LARP4B: variants seen among roughly 807,000 people sequenced by gnomAD.
LARP4B encodes the protein la-related protein 4B.
Under a neutral mutation model 89.8 loss-of-function variants are expected in LARP4B, and 12 were observed. The ratio of observed to expected loss-of-function variants is 0.13; its 90% CI spans 0.09 to 0.22. The LOEUF (loss-of-function observed/expected upper bound fraction) is 0.22. Ranked by LOEUF, LARP4B falls within the 10% of genes least tolerant of loss-of-function variation. The pLI is 1.00. For missense variants in LARP4B, 757 were observed against 947.7 expected (o/e 0.80, Z 2.64); for synonymous variants, 367 against 363.3 (o/e 1.01, Z -0.12).
intron 6 of LARP4B, among the ~76,000 whole-genome samples, chr10:843,280 A>G (rs527994234): frequency 3.9e-5 from 6 of 152,386 alleles, no homozygotes; most frequent in Admixed American, 3.9e-4. Flanking sequence ...GTGCAAAAGT[A>G]AAAGTATACT....
At chr10:851,262 C>T (rs1001720117) in intron 5 of LARP4B, among the ~76,000 whole-genome samples, 1 of 150,010 alleles carries the variant, frequency 6.7e-6, no homozygotes, top group African/African-American at 2.5e-5. Context: ...TGGCTCACTG[C>T]AACCTACGTT....
intron 1 of LARP4B, among the ~76,000 whole-genome samples, chr10:890,689 A>C (rs980762733): frequency 6.6e-6 from 1 of 152,068 alleles, no homozygotes; most frequent in South Asian, 2.1e-4. Context: ...GTGATTTTGC[A>C]ATTTTGTAGT....
chr10:980,839 TCTGCAGC>T, the LARP4B span, among the ~76,000 whole-genome samples: 1 of 152,270 alleles, frequency 6.6e-6, no homozygotes, highest in African/African-American at 2.4e-5. Context: ...AAGTGGTCAT[TCTGCAGC>T]CTGCTTTAGT....
chr10:879,735 G>A (rs2131910492), intron 3 of LARP4B, among the ~76,000 whole-genome samples: 1 of 152,156 alleles, frequency 6.6e-6, no homozygotes, highest in Admixed American at 6.5e-5. Context: ...CCAAAGTGCT[G>A]GGATTTATAG....
chr10:861,526 C>G (rs963083478), intron 5 of LARP4B, among the ~76,000 whole-genome samples: 1 of 152,032 alleles, frequency 6.6e-6, no homozygotes, highest in Non-Finnish European at 1.5e-5. Context: ...TTTAAATACC[C>G]CTTTTAAAAA....
chr10:878,855 A>G (rs567434194), intron 3 of LARP4B, among the ~76,000 whole-genome samples: 1 of 152,342 alleles, frequency 6.6e-6, no homozygotes, highest in South Asian at 2.1e-4. Context: ...CTAAAATGAA[A>G]AAGAGTTTGC....
intron 15 of LARP4B, among the ~76,000 whole-genome samples, chr10:816,957 T>G (rs748930088): frequency 2.0e-5 from 3 of 152,166 alleles, no homozygotes; most frequent in African/African-American, 7.2e-5. Context: ...CACGGTCATG[T>G]GGCGTGGAAC....
intron 3 of LARP4B, among the ~76,000 whole-genome samples, chr10:878,789 G>T (rs1835559722): frequency 1.3e-5 from 2 of 152,078 alleles, no homozygotes; most frequent in African/African-American, 2.4e-5. Context: ...GCCACACAAA[G>T]TTGATTTATA....
At chr10:969,207 T>A in the LARP4B span, among the ~76,000 whole-genome samples, 3 of 152,086 alleles carry the variant, frequency 2.0e-5, no homozygotes, top group Admixed American at 6.5e-5. Flanking sequence ...GGGGAAAAAA[T>A]GGTTCCTTTT....
intron 3 of LARP4B, among the ~76,000 whole-genome samples, chr10:866,812 A>C (rs973008339): frequency 1.1e-4 from 17 of 152,304 alleles, no homozygotes; most frequent in East Asian, 1.9e-4. Flanking sequence ...ATAGTACCAA[A>C]ATACATTTTG....
intron 7 of LARP4B, among the ~76,000 whole-genome samples, chr10:839,551 A>C (rs1246091123): frequency 6.6e-6 from 1 of 152,272 alleles, no homozygotes; most frequent in Non-Finnish European, 1.5e-5. Context: ...AAAAATGCTC[A>C]ACTTCATTAA....
intron 1 of LARP4B, among the ~76,000 whole-genome samples, chr10:910,399 G>C (rs1202924112): frequency 6.6e-6 from 1 of 152,196 alleles, no homozygotes; most frequent in Admixed American, 6.5e-5. Context: ...GCAGGATTCA[G>C]AATGTCTCCC....
the LARP4B span, among the ~76,000 whole-genome samples, chr10:954,415 T>A: frequency 2.0e-5 from 3 of 152,058 alleles, no homozygotes; most frequent in Admixed American, 6.6e-5. The surrounding 1 kb of genome is among the most constrained non-coding windows in gnomAD (Gnocchi z 5.0). Context: ...GATAAGGACA[T>A]CTGCGGCAGT....
upstream of LARP4B, among the ~76,000 whole-genome samples, chr10:933,541 T>A (rs559096548): frequency 1.3e-5 from 2 of 152,370 alleles, no homozygotes; most frequent in African/African-American, 4.8e-5. Context: ...CCTTGTTGCA[T>A]CCTAGCTTTA....
chr10:827,232 G>C (rs932849539), intron 11 of LARP4B, among the ~76,000 whole-genome samples: 3 of 151,800 alleles, frequency 2.0e-5, no homozygotes, highest in Admixed American at 1.3e-4. Flanking sequence ...GCCAAGATCC[G>C]GCCACTGCAC....
At chr10:904,424 T>C (rs1277888026) in intron 1 of LARP4B, among the ~76,000 whole-genome samples, 3 of 148,628 alleles carry the variant, frequency 2.0e-5, no homozygotes, top group Non-Finnish European at 4.5e-5. Context: ...TGTGGTGACA[T>C]GTGCCTGTAG....
At chr10:928,319 C>T (rs1837209187) in intron 1 of LARP4B, among the ~76,000 whole-genome samples, 1 of 151,884 alleles carries the variant, frequency 6.6e-6, no homozygotes, top group South Asian at 2.1e-4. Flanking sequence ...TTTTTTACAA[C>T]TTTGAGAGGC....
intron 1 of LARP4B, among the ~76,000 whole-genome samples, chr10:913,379 C>G (rs1237463076): frequency 6.6e-6 from 1 of 152,140 alleles, no homozygotes; most frequent in Non-Finnish European, 1.5e-5. Flanking sequence ...CTCTAATTAA[C>G]CAGCTTAAAG....
intron 1 of LARP4B, among the ~76,000 whole-genome samples, chr10:920,397 C>T (rs575808208): frequency 6.6e-6 from 1 of 152,338 alleles, no homozygotes; most frequent in Admixed American, 6.5e-5. Flanking sequence ...GACAAAATAA[C>T]GTAGAACAAA....
Sources: allele counts gnomAD v4.1 joint callset (sites outside exome capture counted in the v4.1 genomes callset), GRCh38; gene constraint gnomAD v4.1.1; non-coding constraint Gnocchi (gnomAD v3.1); transcripts MANE v1.5; gene names NCBI Gene and HGNC (gene_info 2026-07-23, HGNC 2026-07-21).